CDH13: variants seen among roughly 807,000 people sequenced by gnomAD.
The protein encoded by CDH13 is cadherin 13.
Under a neutral mutation model 63.8 loss-of-function variants are expected in CDH13, and 24 were observed. That is an observed-to-expected ratio of 0.38 (90% CI 0.27 to 0.53). The LOEUF (loss-of-function observed/expected upper bound fraction) is 0.53, where lower values mean the gene tolerates loss of function less well. CDH13 is among the 20% of genes least tolerant of loss of function. The pLI is 0.85. For synonymous variants in CDH13, 503 were observed against 355.3 expected (o/e 1.42, Z -4.67); for missense variants, 1,049 against 903.1 (o/e 1.16, Z -2.07).
At chr16:83,343,262 A>G (rs894272004) in intron 5 of CDH13, among the ~76,000 whole-genome samples, 16 of 152,210 alleles carry the variant, frequency 1.1e-4, no homozygotes, top group African/African-American at 3.9e-4. Flanking sequence ...TAGGTCATGT[A>G]TGATGATGCT....
At chr16:83,719,202 T>C (rs1268514729) in intron 10 of CDH13, among the ~76,000 whole-genome samples, 1 of 152,206 alleles carries the variant, frequency 6.6e-6, no homozygotes, top group African/African-American at 2.4e-5. Flanking sequence ...CATTTGACAA[T>C]GACATTTGAT....
At chr16:83,380,815 G>C (rs998855435) in intron 6 of CDH13, among the ~76,000 whole-genome samples, 3 of 150,202 alleles carry the variant, frequency 2.0e-5, no homozygotes, top group Non-Finnish European at 3.0e-5. Flanking sequence ...TGTTTCATTA[G>C]GGCACATTAC....
At chr16:83,710,886 T>C (rs1907938969) in intron 10 of CDH13, among the ~76,000 whole-genome samples, 1 of 152,208 alleles carries the variant, frequency 6.6e-6, no homozygotes, top group South Asian at 2.1e-4. Context: ...GAATGAGTGA[T>C]GGACAGACTC....
intron 7 of CDH13, among the ~76,000 whole-genome samples, chr16:83,557,291 C>A (rs113098918): frequency 6.6e-6 from 1 of 151,996 alleles, no homozygotes; most frequent in Non-Finnish European, 1.5e-5. Flanking sequence ...CACATTATGG[C>A]GAGTTGTATA....
At chr16:82,952,821 C>G (rs375588646) in intron 2 of CDH13, among the ~76,000 whole-genome samples, 119 of 152,320 alleles carry the variant, frequency 7.8e-4, no homozygotes, top group South Asian at 5.2e-3. Context: ...ACCAGAAGAA[C>G]TGACACCCTG....
chr16:82,965,938 A>G (rs117501450), intron 2 of CDH13, among the ~76,000 whole-genome samples: 3,494 of 152,272 alleles, frequency 0.023, 65 homozygotes, highest in Non-Finnish European at 0.033. Context: ...AGTGGAGAAA[A>G]AGTGCACATG....
chr16:82,631,879 C>A (rs1908049641), intron 1 of CDH13, among the ~76,000 whole-genome samples: 2 of 152,108 alleles, frequency 1.3e-5, no homozygotes, highest in Admixed American at 6.5e-5. Context: ...CAAGTTGAAC[C>A]TCGAGACATC....
At chr16:83,070,859 C>G (rs955101369) in intron 3 of CDH13, among the ~76,000 whole-genome samples, 4 of 138,476 alleles carry the variant, frequency 2.9e-5, no homozygotes, top group African/African-American at 1.1e-4. Flanking sequence ...TAAACAGCCC[C>G]CCCCCCCCCA....
intron 7 of CDH13, among the ~76,000 whole-genome samples, chr16:83,596,105 C>T (rs74881142): frequency 0.028 from 4,306 of 152,278 alleles, 193 homozygotes; most frequent in African/African-American, 0.097. Context: ...AGGTGAGGCC[C>T]AGGGAGAATA....
intron 5 of CDH13, among the ~76,000 whole-genome samples, chr16:83,247,608 C>A (rs946699681): frequency 1.3e-5 from 2 of 152,274 alleles, no homozygotes; most frequent in Non-Finnish European, 2.9e-5. Flanking sequence ...TTATTTTCCA[C>A]TAGAATACTT....
chr16:83,350,557 AT>A (rs67418639), intron 6 of CDH13, among the ~76,000 whole-genome samples: 84,186 of 151,592 alleles, frequency 0.56, 25,901 homozygotes, highest in African/African-American at 0.84. Flanking sequence ...AGTCCCTTTA[AT>A]TTTTTTTTCC....
intron 2 of CDH13, among the ~76,000 whole-genome samples, chr16:82,981,059 A>G (rs6565096): frequency 6.6e-6 from 1 of 152,020 alleles, no homozygotes; most frequent in Non-Finnish European, 1.5e-5. Context: ...CTGCGACTGG[A>G]CTGCATACAT....
intron 6 of CDH13, among the ~76,000 whole-genome samples, chr16:83,478,748 AG>A (rs2151550736): frequency 6.6e-6 from 1 of 151,324 alleles, no homozygotes; most frequent in South Asian, 2.1e-4. Flanking sequence ...CTCAGAGTAC[AG>A]GGGCAGGGAT....
chr16:83,766,395 C>A (rs952003567), intron 11 of CDH13, among the ~76,000 whole-genome samples: 2 of 152,136 alleles, frequency 1.3e-5, no homozygotes, highest in Admixed American at 6.5e-5. Context: ...TGGCAAAAAA[C>A]CACAATTACT....
rs372984307 is a variant in CDH13, at chr16:83,733,137, G to A, written c.1539-14971G>A. 2.6e-5 allele frequency among the ~76,000 whole-genome samples: 4 copies of A among 152,340 alleles called. No homozygotes were observed. In the East Asian group the frequency reaches 7.7e-4, roughly 29 times the overall value. On this transcript the variant is annotated intron_variant, in intron 10 of 13. Transcript: ENST00000567109. ...ACTGGGAAGATAGAAGGTGGTCAAAGCGTATGTATGGAATGAACACTGGAA... is the reference window on the plus strand; with the variant it reads ...ACTGGGAAGATAGAAGGTGGTCAAAACGTATGTATGGAATGAACACTGGAA...
In CDH13 at chr16:82,811,367, C is replaced by T. The variant is rs148203568; in HGVS notation, c.46-46995C>T. 3.2e-3 allele frequency among the ~76,000 whole-genome samples: 486 copies of T among 152,234 alleles called. 1 individual carries two copies. The highest frequency in any genetic ancestry group is 0.011 in the African/African-American group (464 of 41,550). ...ATATACTTATGTATTTAATAATAGG[C>T]TTTGGTGGCAGGTTTAGTAACTATT... is the stretch of plus-strand genomic sequence containing the variant. On this transcript the variant is annotated intron_variant, in intron 1 of 13. Transcript: ENST00000567109.
At chr16:83,335,197 A>G (rs2090567106) in intron 5 of CDH13, among the ~76,000 whole-genome samples, 1 of 152,160 alleles carries the variant, frequency 6.6e-6, no homozygotes, top group Non-Finnish European at 1.5e-5. Flanking sequence ...TTAAGCTTTG[A>G]ACATCTCTGT....
intron 2 of CDH13, among the ~76,000 whole-genome samples, chr16:82,929,675 AAAAAAAAAG>A: frequency 1.5e-5 from 2 of 132,848 alleles, no homozygotes; most frequent in Non-Finnish European, 3.4e-5. Context: ...AAAAAAAAAA[AAAAAAAAAG>A]AAGACAGCCG....
chr16:83,412,331 A>T (rs916455496), intron 6 of CDH13, among the ~76,000 whole-genome samples: 9 of 152,180 alleles, frequency 5.9e-5, no homozygotes, highest in Non-Finnish European at 1.3e-4. Context: ...GCATGGTGGC[A>T]GACGTCTGCA....
Sources: gnomAD v4.1 joint callset for allele counts (sites outside exome capture counted in the v4.1 genomes callset) on GRCh38, gnomAD v4.1.1 for gene constraint, MANE v1.5 for transcripts, NCBI Gene and HGNC (gene_info 2026-07-23, HGNC 2026-07-21) for gene names.